EIF2B3: variants seen among roughly 807,000 people sequenced by gnomAD.
EIF2B3 encodes translation initiation factor eIF2B subunit gamma.
A neutral mutation model predicts 54.1 loss-of-function variants in EIF2B3; 20 were observed. The ratio of observed to expected loss-of-function variants is 0.37; its 90% confidence interval spans 0.26 to 0.54. EIF2B3 has a LOEUF of 0.54. EIF2B3 is among the 20% of genes least tolerant of loss of function. The probability of loss-of-function intolerance (pLI) is 0.86; values close to 1 mark genes in which losing one functional copy is unlikely to be tolerated. For synonymous variants in EIF2B3, 153 were observed against 188.1 expected (o/e 0.81, Z 1.52); for missense variants, 448 against 547.8 (o/e 0.82, Z 1.82).
At chr1:44,986,373 A>G (rs1644577801) in intron 1 of EIF2B3, 120 bp downstream of exon 1, 1 of 152,254 alleles carries the variant, frequency 6.6e-6, no homozygotes. Context: ...CACCGGGTCG[A>G]GCAGGGAGTC....
chr1:44,909,446 T>C (rs2148921344), intron 5 of EIF2B3, among the ~76,000 whole-genome samples: 2 of 151,990 alleles, frequency 1.3e-5, no homozygotes, highest in African/African-American at 4.8e-5. Flanking sequence ...CCAAGAAAGG[T>C]GAATCCTAAA....
chr1:44,975,534 T>C (rs1167767061), intron 3 of EIF2B3, among the ~76,000 whole-genome samples: 1 of 152,200 alleles, frequency 6.6e-6, no homozygotes, highest in Non-Finnish European at 1.5e-5. Flanking sequence ...TATTTAAACA[T>C]ATCTAAACAT....
intron 3 of EIF2B3, among the ~76,000 whole-genome samples, chr1:44,974,026 C>A (rs1056595485): frequency 1.3e-5 from 2 of 152,090 alleles, no homozygotes; most frequent in African/African-American, 2.4e-5. Context: ...CAACACACCC[C>A]ACATTATTGT....
chr1:44,915,366 C>A (rs1221444521), intron 5 of EIF2B3, among the ~76,000 whole-genome samples: 1 of 151,952 alleles, frequency 6.6e-6, no homozygotes, highest in Non-Finnish European at 1.5e-5. Context: ...GGCTGGAATG[C>A]AATGGCATGA....
intron 5 of EIF2B3, among the ~76,000 whole-genome samples, chr1:44,914,372 G>C (rs1209585333): frequency 6.6e-6 from 1 of 152,062 alleles, no homozygotes; most frequent in African/African-American, 2.4e-5. Context: ...TGTTAGCCAG[G>C]CTGGTCTCAA....
intron 5 of EIF2B3, among the ~76,000 whole-genome samples, chr1:44,906,368 A>C (rs1643410361): frequency 1.3e-5 from 2 of 152,348 alleles, no homozygotes; most frequent in South Asian, 4.1e-4. Flanking sequence ...TCAGGAGTTC[A>C]TGCCTCAAAG....
chr1:44,869,033 T>TC (rs1194202028), intron 10 of EIF2B3, among the ~76,000 whole-genome samples: 1 of 152,214 alleles, frequency 6.6e-6, no homozygotes, highest in Non-Finnish European at 1.5e-5. Context: ...GAGGGAGCTT[T>TC]CAAAAGGTTT....
chr1:44,966,934 G>T (rs1319729435), intron 3 of EIF2B3, among the ~76,000 whole-genome samples: 2 of 151,854 alleles, frequency 1.3e-5, no homozygotes, highest in Non-Finnish European at 2.9e-5. Context: ...CAATTCTCCT[G>T]CCTCCCGAGT....
At chr1:44,976,833 A>C (rs1375769043) in intron 3 of EIF2B3, among the ~76,000 whole-genome samples, 1 of 152,226 alleles carries the variant, frequency 6.6e-6, no homozygotes, top group Non-Finnish European at 1.5e-5. Context: ...TTTATAAGCA[A>C]ATAAAATTAA....
intron 10 of EIF2B3, among the ~76,000 whole-genome samples, chr1:44,871,355 G>C (rs115749102): frequency 0.011 from 1,739 of 152,242 alleles, 17 homozygotes; most frequent in African/African-American, 0.024. Flanking sequence ...TGTTTACCCT[G>C]TTCAGGCCAA....
intron 2 of EIF2B3, among the ~76,000 whole-genome samples, chr1:44,979,443 C>A (rs1644489158): frequency 6.8e-6 from 1 of 147,246 alleles, no homozygotes; most frequent in Non-Finnish European, 1.5e-5. Context: ...TCAAGACCAG[C>A]CTGGGTAACG....
intron 3 of EIF2B3, among the ~76,000 whole-genome samples, chr1:44,965,425 C>T (rs1644326584): frequency 6.6e-6 from 1 of 151,900 alleles, no homozygotes; most frequent in Non-Finnish European, 1.5e-5. Flanking sequence ...CCAAGTAAAC[C>T]TGGTAGAATC....
chr1:44,924,220 G>A (rs1236266038), intron 5 of EIF2B3, among the ~76,000 whole-genome samples: 8 of 152,036 alleles, frequency 5.3e-5, no homozygotes, highest in Non-Finnish European at 8.8e-5. Flanking sequence ...GATTACAGGC[G>A]TGAGCCACCG....
At chr1:44,915,251 G>C (rs1409460989) in intron 5 of EIF2B3, among the ~76,000 whole-genome samples, 2 of 151,428 alleles carry the variant, frequency 1.3e-5, no homozygotes, top group Non-Finnish European at 2.9e-5. Context: ...AGCAAGCAGA[G>C]ATTGTGCCGC....
At chr1:44,981,554 A>C (rs931656938) in intron 1 of EIF2B3, among the ~76,000 whole-genome samples, 1 of 152,242 alleles carries the variant, frequency 6.6e-6, no homozygotes, top group Non-Finnish European at 1.5e-5. Context: ...GAAAACACAG[A>C]GAAGTTTTTA....
At position 44,981,188 on chromosome 1, in the gene EIF2B3, A is replaced by G. The variant is rs371658701; in HGVS notation, c.-9-11T>C. On this transcript the variant is annotated splice_polypyrimidine_tract_variant and intron_variant, in intron 1 of 11. Coordinates refer to ENST00000360403, the MANE Select transcript of EIF2B3 (RefSeq NM_020365.5). ...TTCCATTTTTACAAACTGCAAGTACAGAAAAAACAATTAACAGAAAAAAAA... is the reference window on the plus strand; with the variant it reads ...TTCCATTTTTACAAACTGCAAGTACGGAAAAAACAATTAACAGAAAAAAAA... 6 of 1,613,518 alleles carry G rather than the reference A, an allele frequency of 3.7e-6. No homozygotes were observed. The highest frequency in any genetic ancestry group is 5.1e-6 in the Non-Finnish European group (6 of 1,179,920).
chr1:44,948,760 A>T (rs1644130475), intron 3 of EIF2B3, among the ~76,000 whole-genome samples: 1 of 152,090 alleles, frequency 6.6e-6, no homozygotes, highest in Non-Finnish European at 1.5e-5. Context: ...CCTTAGCATG[A>T]TTTTAAGGGT....
rs1413589848 is a variant in EIF2B3 at position 44,881,454 on chromosome 1, C to G, written c.784+158G>C. ...GCAGAATCTGCCTGAGCAAGCTTAC[C>G]CAGAGCTCAGTGGGTTGGCAAGCCT... On this transcript the variant is annotated intron_variant, in intron 7 of 11. Transcript: ENST00000360403. This position sits in a 1 kb window ranked among gnomAD's most constrained non-coding sequence, Gnocchi z 4.0. 2.0e-5 allele frequency among the ~76,000 whole-genome samples: 3 copies of G among 152,152 alleles called. No homozygotes were observed. The highest frequency in any genetic ancestry group is 4.4e-5 in the Non-Finnish European group (3 of 68,032).
At position 44,910,557 on chromosome 1, in the gene EIF2B3, C is replaced by T. The variant is rs189896847; in HGVS notation, c.567-13113G>A. ...TAGCTTGCTGGGGAGGCTGCCTCTG[C>T]ACCTGACCATATTCTAACAGGTGTC... On this transcript the variant is annotated intron_variant, in intron 5 of 11. Coordinates refer to ENST00000360403, the MANE Select transcript of EIF2B3 (RefSeq NM_020365.5). Among the ~76,000 whole-genome samples, 5 of 151,744 alleles carry T rather than the reference C, an allele frequency of 3.3e-5. 1 individual carries two copies. The South Asian group carries it at 1.0e-3, about 32-fold the overall frequency.
Sources: allele counts gnomAD v4.1 joint callset (sites outside exome capture counted in the v4.1 genomes callset), GRCh38; gene constraint gnomAD v4.1.1; non-coding constraint Gnocchi (gnomAD v3.1); transcripts MANE v1.5; gene names NCBI Gene and HGNC (gene_info 2026-07-23, HGNC 2026-07-21).